The following ESRRG variants were observed in gnomAD, a reference collection of about 807,000 sequenced individuals.
ESRRG encodes estrogen-related receptor gamma.
Under a neutral mutation model 44.0 loss-of-function variants are expected in ESRRG, and 13 were observed. That is an observed-to-expected ratio of 0.30 (90% CI 0.19 to 0.47). ESRRG has a LOEUF of 0.47. Among genes scored for constraint, ESRRG ranks in the 20% least tolerant of loss-of-function variants. The probability of loss-of-function intolerance (pLI) is 1.00; values close to 1 mark genes in which losing one functional copy is unlikely to be tolerated. For missense variants in ESRRG, 395 were observed against 580.6 expected, an observed-to-expected ratio of 0.68 and a Z score of 3.29; for synonymous variants, 215 against 214.6, an observed-to-expected ratio of 1.00 and a Z score of -0.02.
At chr1:217,122,163 A>G (rs993668115) in intron 1 of ESRRG, among the ~76,000 whole-genome samples, 1 of 152,200 alleles carries the variant, frequency 6.6e-6, no homozygotes, top group Non-Finnish European at 1.5e-5. Context: ...TTGGAGTTCC[A>G]TTTTTAAGGG....
chr1:217,109,820 A>G (rs781146716), intron 1 of ESRRG, among the ~76,000 whole-genome samples: 16 of 151,982 alleles, frequency 1.1e-4, no homozygotes, highest in Non-Finnish European at 2.1e-4. Context: ...AAAGCAAAAA[A>G]CCCTAAGAGG....
chr1:216,982,337 CA>C (rs1163608597), intron 1 of ESRRG, among the ~76,000 whole-genome samples: 1 of 152,062 alleles, frequency 6.6e-6, no homozygotes, highest in Non-Finnish European at 1.5e-5. Context: ...AGAAATGAGC[CA>C]AAAGTTTTAT....
chr1:216,802,416 G>T (rs1015414912), intron 2 of ESRRG, among the ~76,000 whole-genome samples: 2 of 152,092 alleles, frequency 1.3e-5, no homozygotes, highest in East Asian at 1.9e-4. Flanking sequence ...ATTGCCAAAA[G>T]CTAGCTTAAA....
intron 1 of ESRRG, among the ~76,000 whole-genome samples, chr1:217,071,132 A>T (rs1157681536): frequency 6.6e-6 from 1 of 152,146 alleles, no homozygotes; most frequent in Non-Finnish European, 1.5e-5. Context: ...TATTTCTGTG[A>T]TTATTAAATA....
At chr1:216,688,037 T>A (rs945831398) in intron 1 of ESRRG, among the ~76,000 whole-genome samples, 1 of 151,706 alleles carries the variant, frequency 6.6e-6, no homozygotes, top group African/African-American at 2.4e-5. Context: ...CAAAAGAATA[T>A]GCATGGGTGA....
chr1:217,084,781 C>A (rs2091977047), intron 1 of ESRRG, among the ~76,000 whole-genome samples: 1 of 152,118 alleles, frequency 6.6e-6, no homozygotes, highest in African/African-American at 2.4e-5. Flanking sequence ...AATAAAATAT[C>A]TTTGACTCCC....
intron 6 of ESRRG, among the ~76,000 whole-genome samples, chr1:216,508,646 T>C (rs2041874901): frequency 6.6e-6 from 1 of 152,214 alleles, no homozygotes. Context: ...CCACCTCCTA[T>C]GGTGCTGTCT....
intron 1 of ESRRG, among the ~76,000 whole-genome samples, chr1:216,950,748 T>C (rs554839373): frequency 6.6e-6 from 1 of 152,334 alleles, no homozygotes; most frequent in East Asian, 1.9e-4. Flanking sequence ...ACACAATTAT[T>C]GAAGATGTTC....
chr1:216,622,609 T>TATACACACACACACAC lies in ESRRG; in HGVS notation c.589+28363_589+28364insGTGTGTGTGTGTGTAT, dbSNP rs147309378. On this transcript the variant is annotated intron_variant, in intron 3 of 6. Transcript: ENST00000408911. ...GCTCCAATGGAAAACAAATGAAAAT[T>TATACACACACACACAC]ACACACACGCACACACACACACACA... Among the ~76,000 whole-genome samples the TATACACACACACACAC allele has an allele frequency of 1.2e-3, 187 of 150,930 alleles. 1 individual carries two copies. The highest frequency in any genetic ancestry group is 4.5e-3 in the African/African-American group (183 of 40,984).
intron 2 of ESRRG, among the ~76,000 whole-genome samples, chr1:216,897,863 G>C (rs1466737581): frequency 6.6e-6 from 1 of 152,060 alleles, no homozygotes; most frequent in Admixed American, 6.5e-5. Flanking sequence ...CAGTATTGGT[G>C]TACCCAGATG....
chr1:216,784,968 A>G (rs2094072028), intron 2 of ESRRG, among the ~76,000 whole-genome samples: 1 of 152,086 alleles, frequency 6.6e-6, no homozygotes, highest in Admixed American at 6.6e-5. Flanking sequence ...GAACAAGGAG[A>G]TAACACTTGC....
chr1:216,774,262 G>A (rs1423665862), intron 2 of ESRRG, among the ~76,000 whole-genome samples: 1 of 152,096 alleles, frequency 6.6e-6, no homozygotes, highest in African/African-American at 2.4e-5. Context: ...GGAAGCCTGA[G>A]AAATCATTTA....
chr1:216,568,399 T>C (rs954864210), intron 3 of ESRRG, among the ~76,000 whole-genome samples: 2 of 152,208 alleles, frequency 1.3e-5, no homozygotes, highest in Non-Finnish European at 2.9e-5. Context: ...AGCCGCTATT[T>C]GGTGCTAGTA....
chr1:216,537,224 C>T (rs2051243984), intron 5 of ESRRG, among the ~76,000 whole-genome samples: 1 of 151,978 alleles, frequency 6.6e-6, no homozygotes, highest in South Asian at 2.1e-4. Context: ...GACCAGAGAG[C>T]TCCCTTTGCC....
At chr1:216,650,019 A>T (rs1405282611) in intron 3 of ESRRG, among the ~76,000 whole-genome samples, 1 of 152,194 alleles carries the variant, frequency 6.6e-6, no homozygotes, top group Non-Finnish European at 1.5e-5. Flanking sequence ...TAGTTCTATG[A>T]TGCAACAGAA....
At chr1:216,904,285 A>G (rs1006843692) in intron 2 of ESRRG, among the ~76,000 whole-genome samples, 7 of 152,074 alleles carry the variant, frequency 4.6e-5, no homozygotes, top group Non-Finnish European at 1.0e-4. Context: ...CTCACAGATG[A>G]CATAGTAAAA....
At chr1:217,038,749 C>T (rs2083343378) in intron 1 of ESRRG, among the ~76,000 whole-genome samples, 1 of 152,246 alleles carries the variant, frequency 6.6e-6, no homozygotes, top group Non-Finnish European at 1.5e-5. Flanking sequence ...TCCCCATTGT[C>T]CTGGGGATTA....
At position 216,832,674 on chromosome 1, in the gene ESRRG, C is replaced by T. The variant is rs184054339; in HGVS notation, c.-14+106908G>A. On this transcript the variant is annotated intron_variant, in intron 2 of 7. Transcript: ENST00000359162. Reference sequence around the variant, plus strand: ...ATTTCCCTCTACTCTTTTTAAAATTCCTCTACTGGCTGGGTGCAGTGGCTC... The same window carrying T: ...ATTTCCCTCTACTCTTTTTAAAATTTCTCTACTGGCTGGGTGCAGTGGCTC... Among the ~76,000 whole-genome samples the T allele has an allele frequency of 6.3e-4, 96 of 152,206 alleles. No individual in the cohort carries two copies. In the Middle Eastern group the frequency reaches 0.014, roughly 22 times the overall value.
chr1:216,534,996 A>G (rs1256983032), intron 5 of ESRRG, among the ~76,000 whole-genome samples: 1 of 152,170 alleles, frequency 6.6e-6, no homozygotes, highest in Non-Finnish European at 1.5e-5. Context: ...AGAGAAGGCA[A>G]GAAAAGCAGC....
Sources: allele counts gnomAD v4.1 joint callset (sites outside exome capture counted in the v4.1 genomes callset), GRCh38; gene constraint gnomAD v4.1.1; transcripts MANE v1.5; gene names NCBI Gene and HGNC (gene_info 2026-07-23, HGNC 2026-07-21).